USP25: variants seen among roughly 807,000 people sequenced by gnomAD.
The protein encoded by USP25 is ubiquitin specific peptidase 25.
USP25 carries 85 observed loss-of-function variants against 158.5 expected under a neutral mutation model. The ratio of observed to expected loss-of-function variants is 0.54; its 90% CI spans 0.45 to 0.64. The LOEUF (loss-of-function observed/expected upper bound fraction) is 0.64. Among genes scored for constraint, USP25 ranks in the 30% least tolerant of loss-of-function variants. USP25 has a pLI of 0.00. For synonymous variants in USP25, 464 were observed against 460.4 expected, an observed-to-expected ratio of 1.01 and a Z score of -0.10; for missense variants, 1,242 against 1,327.3, an observed-to-expected ratio of 0.94 and a Z score of 1.00.
chr21:15,751,802 ACT>A (rs1407873631), intron 1 of USP25, among the ~76,000 whole-genome samples: 7 of 152,112 alleles, frequency 4.6e-5, no homozygotes, highest in Admixed American at 2.6e-4. Flanking sequence ...TAGAAATGTA[ACT>A]CTGTGTGAAC....
rs2037506784 is a variant in USP25, at chr21:15,826,424, T to C, written c.1466+59T>C. 4 of 1,573,542 alleles carry C rather than the reference T, an allele frequency of 2.5e-6. No individual in the cohort carries two copies. The highest frequency in any genetic ancestry group is 1.7e-5 in the Admixed American group (1 of 58,078). On this transcript the variant is annotated intron_variant, in intron 13 of 25. Transcript: ENST00000400183. The surrounding 1 kb of genome is among the most constrained non-coding windows in gnomAD (Gnocchi z 4.8). ...TACCTTTATTACACAATAATGTAACTGCTGCCTTTAAAGACAGTTTCTATA... is the reference window on the plus strand; with the variant it reads ...TACCTTTATTACACAATAATGTAACCGCTGCCTTTAAAGACAGTTTCTATA...
intron 5 of USP25, among the ~76,000 whole-genome samples, chr21:15,795,141 T>A (rs1417363961): frequency 6.6e-6 from 1 of 151,522 alleles, no homozygotes; most frequent in East Asian, 1.9e-4. Context: ...ATGACATGCC[T>A]TCCCACTGAG....
At chr21:15,765,814 A>G (rs1273765076) in intron 2 of USP25, among the ~76,000 whole-genome samples, 183 bp from the exon 3 acceptor site, 3 of 152,104 alleles carry the variant, frequency 2.0e-5, no homozygotes, top group African/African-American at 4.8e-5. Context: ...TAAGAAAGGT[A>G]TTACTATTGA....
At chr21:15,849,717 T>G in intron 19 of USP25, 60 bp from the exon 20 acceptor site, 2 of 1,274,590 alleles carry the variant, frequency 1.6e-6, no homozygotes, top group Non-Finnish European at 2.2e-6. Context: ...TCAGCTTGCA[T>G]GTGAATAAAT....
chr21:15,813,281 C>A (rs1474201423), intron 9 of USP25, among the ~76,000 whole-genome samples: 1 of 152,192 alleles, frequency 6.6e-6, no homozygotes, highest in Non-Finnish European at 1.5e-5. Context: ...TAACTTATCT[C>A]TTCATTCTCT....
intron 3 of USP25, among the ~76,000 whole-genome samples, chr21:15,775,360 T>TA (rs1317152975): frequency 1.3e-5 from 2 of 152,238 alleles, no homozygotes; most frequent in East Asian, 1.9e-4. Context: ...TTAGGTTCTT[T>TA]AAAAAATCAC....
At chr21:15,739,208 C>T (rs1056761716) in intron 1 of USP25, among the ~76,000 whole-genome samples, 8 of 152,018 alleles carry the variant, frequency 5.3e-5, no homozygotes, top group African/African-American at 1.9e-4. Flanking sequence ...CTAGCAAATA[C>T]TTCCAATAAA....
rs570250179 is a variant in USP25, at chr21:15,837,960, C to G, written c.2194+4412C>G. On this transcript the variant is annotated intron_variant, in intron 17 of 25. Coordinates refer to ENST00000400183, the MANE Select transcript of USP25 (RefSeq NM_001283041.3). Reference sequence around the variant, plus strand: ...GATATTCTTTTTTTTTTTTCTGAGACAGTTTCACTTTGTTGCCCAGGCTGA... The same window carrying G: ...GATATTCTTTTTTTTTTTTCTGAGAGAGTTTCACTTTGTTGCCCAGGCTGA... Among the ~76,000 whole-genome samples the G allele has an allele frequency of 4.6e-5, 7 of 151,036 alleles. No individual in the cohort carries two copies. In the East Asian group the frequency reaches 7.8e-4, roughly 17 times the overall value.
At chr21:15,763,604 C>T (rs1289779601) in intron 2 of USP25, among the ~76,000 whole-genome samples, 2 of 152,078 alleles carry the variant, frequency 1.3e-5, no homozygotes, top group East Asian at 1.9e-4. Flanking sequence ...CAGAACTGTA[C>T]AGTATTTTAA....
chr21:15,736,252 C>T (rs1182678124), intron 1 of USP25, among the ~76,000 whole-genome samples: 1 of 152,036 alleles, frequency 6.6e-6, no homozygotes, highest in Admixed American at 6.6e-5. Flanking sequence ...TGTACACCAC[C>T]ACGCCCAGCT....
At chr21:15,768,919 T>A (rs2034191112) in intron 3 of USP25, among the ~76,000 whole-genome samples, 1 of 152,104 alleles carries the variant, frequency 6.6e-6, no homozygotes, top group African/African-American at 2.4e-5. Flanking sequence ...TTGGTTGCAG[T>A]GCTGACAAAA....
intron 1 of USP25, among the ~76,000 whole-genome samples, chr21:15,758,490 C>T (rs1056565614): frequency 6.6e-6 from 1 of 152,100 alleles, no homozygotes; most frequent in African/African-American, 2.4e-5. Flanking sequence ...TCTTGCCTGC[C>T]ACCATGTAAG....
At chr21:15,733,944 A>T (rs2031228399) in intron 1 of USP25, among the ~76,000 whole-genome samples, 1 of 152,216 alleles carries the variant, frequency 6.6e-6, no homozygotes, top group Non-Finnish European at 1.5e-5. Context: ...TGTGGGATAG[A>T]TCTCAACCAC....
intron 6 of USP25, among the ~76,000 whole-genome samples, chr21:15,804,423 A>G (rs1362473306): frequency 1.3e-5 from 2 of 151,476 alleles, no homozygotes; most frequent in Non-Finnish European, 1.5e-5. Flanking sequence ...TATATTAAAT[A>G]TAATGTTCGA....
At chr21:15,853,300 TACACACAG>T (rs2038975767) in intron 20 of USP25, among the ~76,000 whole-genome samples, 4 of 151,472 alleles carry the variant, frequency 2.6e-5, no homozygotes, top group African/African-American at 7.3e-5. Flanking sequence ...TACACATGTG[TACACACAG>T]GTACACACAT....
chr21:15,786,246 C>A (rs1053538115), intron 4 of USP25, among the ~76,000 whole-genome samples: 1 of 152,046 alleles, frequency 6.6e-6, no homozygotes, highest in Admixed American at 6.6e-5. Flanking sequence ...TCAAACTATT[C>A]CAGAAAATTA....
At position 15,797,939 on chromosome 21, in the gene USP25, G is replaced by A. The variant is rs562705772; in HGVS notation, c.556-1818G>A. On this transcript the variant is annotated intron_variant, in intron 5 of 25. Coordinates refer to ENST00000400183, the MANE Select transcript of USP25 (RefSeq NM_001283041.3). Reference sequence around the variant, plus strand: ...TCGTTATTGTTGCTAATCTCATACTGTGCCCAATTTATAAATTTAGCCATT... The same window carrying A: ...TCGTTATTGTTGCTAATCTCATACTATGCCCAATTTATAAATTTAGCCATT... Among the ~76,000 whole-genome samples the A allele has an allele frequency of 6.0e-5, 9 of 151,078 alleles. 1 individual carries two copies. In the East Asian group the frequency reaches 1.8e-3, roughly 29 times the overall value.
chr21:15,821,939 G>T (rs188469577), intron 10 of USP25, among the ~76,000 whole-genome samples: 11 of 151,988 alleles, frequency 7.2e-5, no homozygotes, highest in African/African-American at 2.6e-4. Context: ...GAATTTAGAA[G>T]CACTTGTGCT....
intron 3 of USP25, among the ~76,000 whole-genome samples, chr21:15,770,257 T>TG (rs1414581842): frequency 6.6e-6 from 1 of 152,154 alleles, no homozygotes; most frequent in Admixed American, 6.6e-5. Context: ...CGATTTTTGA[T>TG]GACTCACAGA....
Sources: allele counts gnomAD v4.1 joint callset (sites outside exome capture counted in the v4.1 genomes callset), GRCh38; gene constraint gnomAD v4.1.1; non-coding constraint Gnocchi (gnomAD v3.1); transcripts MANE v1.5; gene names NCBI Gene and HGNC (gene_info 2026-07-23, HGNC 2026-07-21).